The following DOP1A variants were observed in gnomAD, a reference collection of about 807,000 sequenced individuals.
The protein encoded by DOP1A is protein DOP1A.
In DOP1A, 90 loss-of-function variants were observed where a neutral mutation model predicts 267.6. That is an observed-to-expected ratio of 0.34 (90% CI 0.28 to 0.40). The LOEUF (loss-of-function observed/expected upper bound fraction) is 0.40, where lower values mean the gene tolerates loss of function less well. DOP1A is among the 10% of genes least tolerant of loss of function. DOP1A has a pLI of 1.00. For missense variants in DOP1A, 2,437 were observed against 2,900.4 expected (o/e 0.84, Z 3.67); for synonymous variants, 932 against 999.1 (o/e 0.93, Z 1.27).
At chr6:83,157,058 GTT>G in intron 34 of DOP1A, 122 bp from the exon 35 acceptor site, 1 of 877,580 alleles carries the variant, frequency 1.1e-6, no homozygotes, top group East Asian at 2.8e-5. Context: ...ATCTACAACA[GTT>G]TTGAATTTTT....
Position 83,135,606 on chromosome 6 carries a change from G to A in DOP1A, c.2871-13G>A. 6.3e-7 allele frequency: 1 copy of A among 1,599,674 alleles called. No homozygotes were observed. The highest frequency in any genetic ancestry group is 8.5e-7 in the Non-Finnish European group (1 of 1,171,214). On this transcript the variant is annotated splice_polypyrimidine_tract_variant and intron_variant, in intron 19 of 38. Transcript: ENST00000349129. ...GTTTGGTTCTTTATTTTAATTATTT[G>A]TGTTTATTTTAGGTCACTGTTCATC... is the stretch of plus-strand genomic sequence containing the variant.
At chr6:83,136,998 T>TTTCC (rs1426640945) in intron 20 of DOP1A, among the ~76,000 whole-genome samples, 175 bp from the exon 21 acceptor site, 1 of 152,116 alleles carries the variant, frequency 6.6e-6, no homozygotes, top group African/African-American at 2.4e-5. Context: ...AAGTGAGGTA[T>TTTCC]TAAGGAGGAA....
chr6:83,120,533 A>G, intron 9 of DOP1A, 150 bp from the exon 10 acceptor site: 1 of 482,764 alleles, frequency 2.1e-6, no homozygotes, highest in Non-Finnish European at 3.4e-6. Flanking sequence ...TAGCAGAGTA[A>G]GAAGGCCAAG....
Position 83,130,366 on chromosome 6 carries a change from G to A in DOP1A, c.2585G>A (p.Arg862Lys). 1 of 1,613,734 alleles carries A rather than the reference G, an allele frequency of 6.2e-7. No individual in the cohort carries two copies. Among genetic ancestry groups the A allele is most frequent in the Non-Finnish European group, 8.5e-7 (1 of 1,179,870 alleles). Residue 862 changes from arginine (R) to lysine (K), a missense_variant, in exon 17 of 39, where the codon AGG (arginine) becomes AAG (lysine). Coordinates refer to ENST00000349129, the MANE Select transcript of DOP1A (RefSeq NM_015018.4). ...CCTCCCCTCACTCAGGGCAATCTGAGGTACATAGCTGAGAAGACTGAATTT... is the reference window on the plus strand; with the variant it reads ...CCTCCCCTCACTCAGGGCAATCTGAAGTACATAGCTGAGAAGACTGAATTT... ...IRPPLTQGNL[R>K]YIAEKTEFFK...
chr6:83,110,150 G>A lies in DOP1A; in HGVS notation c.517G>A (p.Ala173Thr). Residue 173 changes from alanine to threonine, a missense_variant, in exon 6 of 39, where the codon GCT becomes ACT. Physicochemically the swap from Ala to Thr is moderately conservative, Grantham distance 58. Around this residue, in one of 9 missense-constraint regions of DOP1A, gnomAD observed 251 missense variants for 359.1 expected, o/e 0.70. Coordinates refer to ENST00000349129, the MANE Select transcript of DOP1A (RefSeq NM_015018.4). The part of the protein sequence containing the change: ...ERTNMLLEKV[A>T]AAVDQSAFYS... ...AACAAATATGTTGTTGGAAAAGGTTGCTGCTGCTGTGGACCAGTCAGCATT... is the reference window on the plus strand; with the variant it reads ...AACAAATATGTTGTTGGAAAAGGTTACTGCTGCTGTGGACCAGTCAGCATT... 1 of 1,603,758 alleles carries A rather than the reference G, an allele frequency of 6.2e-7. No individual in the cohort carries two copies.
At chr6:83,101,080 A>G (rs1772485848) in intron 4 of DOP1A, among the ~76,000 whole-genome samples, 194 bp downstream of exon 4, 2 of 152,098 alleles carry the variant, frequency 1.3e-5, no homozygotes, top group African/African-American at 2.4e-5. Flanking sequence ...CAGTGGCCCA[A>G]TCTTGGCTCA....
At chr6:83,167,655 A>G in intron 38 of DOP1A, 2 of 1,289,734 alleles carry the variant, frequency 1.6e-6, no homozygotes, top group South Asian at 2.7e-5. Context: ...AACTATTACT[A>G]CAATGTTAGA....
intron 17 of DOP1A, 22 bp downstream of exon 17, chr6:83,130,419 T>C (rs569213178): frequency 1.3e-6 from 2 of 1,596,610 alleles, no homozygotes; most frequent in East Asian, 2.2e-5. Context: ...GAAATGCATA[T>C]ATGACTATGA....
At chr6:83,095,808 G>A (rs921397173) in intron 1 of DOP1A, among the ~76,000 whole-genome samples, 2 of 152,250 alleles carry the variant, frequency 1.3e-5, no homozygotes, top group South Asian at 4.1e-4. Flanking sequence ...GAGGATGGAG[G>A]ATCTGCTTCT....
At chr6:83,123,389 G>A (rs1372285712) in intron 12 of DOP1A, among the ~76,000 whole-genome samples, 8 of 152,000 alleles carry the variant, frequency 5.3e-5, no homozygotes, top group Non-Finnish European at 2.9e-5. Flanking sequence ...AATCCATGCT[G>A]TCACTGGGAA....
At chr6:83,121,260 A>C (rs959127916) in intron 10 of DOP1A, among the ~76,000 whole-genome samples, 1 of 151,852 alleles carries the variant, frequency 6.6e-6, no homozygotes, top group Non-Finnish European at 1.5e-5. Context: ...TATTTACAGC[A>C]ATAAAATGAA....
At chr6:83,158,646 G>A (rs2128395745) in intron 36 of DOP1A, 24 bp downstream of exon 36, 1 of 1,555,356 alleles carries the variant, frequency 6.4e-7, no homozygotes, top group Non-Finnish European at 8.8e-7. Context: ...TAAATATATT[G>A]TTGTCCATTT....
At chr6:83,117,263 G>A (rs1414812754) in intron 7 of DOP1A, among the ~76,000 whole-genome samples, 1 of 151,756 alleles carries the variant, frequency 6.6e-6, no homozygotes, top group Non-Finnish European at 1.5e-5. Context: ...TGATTCTCCT[G>A]CCTCAGCCTC....
At chr6:83,162,621 T>G (rs931235096) in intron 37 of DOP1A, among the ~76,000 whole-genome samples, 169 bp from the exon 38 acceptor site, 13 of 152,142 alleles carry the variant, frequency 8.5e-5, no homozygotes, top group Non-Finnish European at 1.9e-4. Context: ...TGATGAAGGC[T>G]CAGAGAGGTT....
intron 19 of DOP1A, chr6:83,134,570 G>A (rs1778585729): frequency 3.7e-6 from 1 of 271,866 alleles, no homozygotes; most frequent in Non-Finnish European, 6.9e-6. Flanking sequence ...AATGGATACA[G>A]CTCTCTTGAG....
intron 1 of DOP1A, among the ~76,000 whole-genome samples, chr6:83,089,880 G>A (rs894436298): frequency 2.0e-5 from 3 of 151,954 alleles, no homozygotes; most frequent in Non-Finnish European, 4.4e-5. Context: ...TGGTTTTATG[G>A]GTGCACGCAC....
intron 24 of DOP1A, among the ~76,000 whole-genome samples, chr6:83,142,731 G>A (rs1562356839): frequency 6.6e-6 from 1 of 151,958 alleles, no homozygotes; most frequent in Non-Finnish European, 1.5e-5. Context: ...AAGAGTTCTT[G>A]TTTCTAAATA....
At chr6:83,098,671 G>C (rs1339549175) in intron 3 of DOP1A, among the ~76,000 whole-genome samples, 4 of 152,168 alleles carry the variant, frequency 2.6e-5, no homozygotes, top group African/African-American at 9.7e-5. Flanking sequence ...AAGGGACGTA[G>C]AACTTTCATG....
chr6:83,157,221 C>T lies in DOP1A; in HGVS notation c.6644C>T (p.Thr2215Ile), dbSNP rs1782994606. Residue 2215 changes from threonine (T) to isoleucine (I), a missense_variant, in exon 35 of 39, where the codon ACT becomes ATT. Thr to Ile is a moderately conservative substitution (Grantham distance 89). This residue lies in a region of DOP1A where 75 missense variants were observed against 149.6 expected (regional missense o/e 0.50). Coordinates refer to ENST00000349129, the MANE Select transcript of DOP1A (RefSeq NM_015018.4). ...VESLRLPQVPTLHSQVFLFFR... is the reference protein window; with the variant it reads ...VESLRLPQVPILHSQVFLFFR... ...AGTCTCCGTTTGCCACAGGTGCCAACTCTCCATTCTCAAGTGTTCCTGTTT... is the reference window on the plus strand; with the variant it reads ...AGTCTCCGTTTGCCACAGGTGCCAATTCTCCATTCTCAAGTGTTCCTGTTT... 6.2e-7 allele frequency: 1 copy of T among 1,613,982 alleles called. No individual in the cohort carries two copies.
Sources: gnomAD v4.1 joint callset for allele counts (sites outside exome capture counted in the v4.1 genomes callset) on GRCh38, gnomAD v4.1.1 for gene constraint, gnomAD v4.1.1 regional missense constraint, MANE v1.5 for transcripts, NCBI Gene and HGNC (gene_info 2026-07-23, HGNC 2026-07-21) for gene names.